DGKB: variants seen among roughly 807,000 people sequenced by gnomAD.
DGKB encodes diacylglycerol kinase beta.
A neutral mutation model predicts 114.3 loss-of-function variants in DGKB; 67 were observed. That is an observed-to-expected ratio of 0.59 (90% CI 0.48 to 0.72). The LOEUF (loss-of-function observed/expected upper bound fraction) is 0.72. Among genes scored for constraint, DGKB ranks in the 30% least tolerant of loss-of-function variants. The pLI is 0.00. For synonymous variants in DGKB, 398 were observed against 323.1 expected, an observed-to-expected ratio of 1.23 and a Z score of -2.49; for missense variants, 907 against 975.2, an observed-to-expected ratio of 0.93 and a Z score of 0.93.
chr7:14,679,376 C>T (rs1337417740), intron 12 of DGKB, among the ~76,000 whole-genome samples: 1 of 151,946 alleles, frequency 6.6e-6, no homozygotes, highest in South Asian at 2.1e-4. Context: ...CCATTTGACA[C>T]ATTAGGAAAT....
At chr7:14,389,624 C>T (rs867773633) in intron 21 of DGKB, among the ~76,000 whole-genome samples, 2 of 152,184 alleles carry the variant, frequency 1.3e-5, no homozygotes, top group African/African-American at 4.8e-5. Context: ...AAATAAATCA[C>T]CTCTAATTCC....
At chr7:14,481,582 A>AT (rs1276908016) in intron 20 of DGKB, among the ~76,000 whole-genome samples, 4 of 151,846 alleles carry the variant, frequency 2.6e-5, no homozygotes, top group South Asian at 2.1e-4. Context: ...TATCTTTTCA[A>AT]TTTTTTTCCA....
At chr7:14,305,899 C>CT (rs1457044245) in intron 23 of DGKB, among the ~76,000 whole-genome samples, 1 of 152,010 alleles carries the variant, frequency 6.6e-6, no homozygotes, top group East Asian at 1.9e-4. Context: ...TATATTTAAG[C>CT]TTTTTTCCAA....
At chr7:14,216,162 C>T (rs776069449) in intron 23 of DGKB, among the ~76,000 whole-genome samples, 50 of 151,974 alleles carry the variant, frequency 3.3e-4, no homozygotes, top group Admixed American at 5.9e-4. Flanking sequence ...AATATGAACA[C>T]GTTATGAAAT....
chr7:14,335,568 G>A (rs764508349), intron 23 of DGKB, among the ~76,000 whole-genome samples: 2 of 152,096 alleles, frequency 1.3e-5, no homozygotes, highest in Admixed American at 6.6e-5. Flanking sequence ...TTCATTTCAT[G>A]TATTTTCTAA....
intron 23 of DGKB, among the ~76,000 whole-genome samples, chr7:14,283,679 G>A (rs909744444): frequency 1.3e-5 from 2 of 151,506 alleles, no homozygotes; most frequent in East Asian, 1.9e-4. Context: ...TAGATCAATG[G>A]AAAAGAACAG....
chr7:14,149,242 G>GAA lies in DGKB; in HGVS notation c.2305-6_2305-5dup. ...GGTTCTTGTGTGTAATTTTTATCTAGAAAAAAAGAGAGAGAGAGAGAGAGA... is the reference window on the plus strand; with the variant it reads ...GGTTCTTGTGTGTAATTTTTATCTAGAAAAAAAAAGAGAGAGAGAGAGAGAGA... On this transcript the variant is annotated splice_region_variant and splice_polypyrimidine_tract_variant and intron_variant, in intron 25 of 25. Transcript: ENST00000402815. 1.9e-6 allele frequency: 3 copies of GAA among 1,590,498 alleles called. No homozygotes were observed. The highest frequency in any genetic ancestry group is 2.6e-6 in the Non-Finnish European group (3 of 1,165,880).
chr7:14,549,394 A>C (rs912358284), intron 20 of DGKB, among the ~76,000 whole-genome samples: 1 of 152,164 alleles, frequency 6.6e-6, no homozygotes, highest in African/African-American at 2.4e-5. Flanking sequence ...GAAATTACCT[A>C]GGAATAAATA....
intron 2 of DGKB, among the ~76,000 whole-genome samples, chr7:14,782,759 G>C (rs570624212): frequency 6.6e-6 from 1 of 152,222 alleles, no homozygotes; most frequent in South Asian, 2.1e-4. Context: ...GTCTATTCGA[G>C]GTTAGTGTAA....
At chr7:14,721,975 A>C (rs1183833837) in intron 5 of DGKB, among the ~76,000 whole-genome samples, 3 of 152,202 alleles carry the variant, frequency 2.0e-5, no homozygotes, top group East Asian at 1.9e-4. Flanking sequence ...TACTTCAAAT[A>C]TCTCTCTGTG....
chr7:14,879,139 CAA>C (rs1471859480), intron 1 of DGKB, among the ~76,000 whole-genome samples: 5 of 151,838 alleles, frequency 3.3e-5, no homozygotes, highest in African/African-American at 1.2e-4. Flanking sequence ...TATATCAAGA[CAA>C]TGATTCACAG....
chr7:14,332,527 C>T (rs1283485498), intron 23 of DGKB, among the ~76,000 whole-genome samples: 5 of 152,204 alleles, frequency 3.3e-5, no homozygotes, highest in African/African-American at 1.2e-4. Flanking sequence ...ACAATTTTGG[C>T]AACATCTAAG....
chr7:14,258,260 G>T (rs545165078), intron 23 of DGKB, among the ~76,000 whole-genome samples: 5 of 152,308 alleles, frequency 3.3e-5, no homozygotes, highest in African/African-American at 4.8e-5. Context: ...AGGATTACCA[G>T]AATAAGAAGA....
intron 23 of DGKB, among the ~76,000 whole-genome samples, chr7:14,308,273 A>G (rs934931029): frequency 6.6e-6 from 1 of 152,050 alleles, no homozygotes; most frequent in African/African-American, 2.4e-5. Flanking sequence ...ATTTAATAAT[A>G]CCCCTAAATT....
chr7:14,676,390 A>G (rs746172035), intron 12 of DGKB, among the ~76,000 whole-genome samples: 3 of 152,006 alleles, frequency 2.0e-5, no homozygotes, highest in Non-Finnish European at 4.4e-5. Context: ...AGTCAGTAAT[A>G]ATTTAATTGT....
chr7:14,592,053 G>T (rs1241392943), intron 17 of DGKB, among the ~76,000 whole-genome samples: 1 of 151,636 alleles, frequency 6.6e-6, no homozygotes, highest in African/African-American at 2.4e-5. Context: ...CAATGTGGCT[G>T]TATGGGTTAG....
At chr7:14,413,389 T>C (rs1202615327) in intron 21 of DGKB, among the ~76,000 whole-genome samples, 4 of 152,276 alleles carry the variant, frequency 2.6e-5, no homozygotes, top group Non-Finnish European at 5.9e-5. Flanking sequence ...CAGTCATAAA[T>C]TCAGTTTTAC....
intron 20 of DGKB, among the ~76,000 whole-genome samples, chr7:14,572,672 T>C (rs1037537630): frequency 2.6e-5 from 4 of 152,110 alleles, no homozygotes; most frequent in African/African-American, 4.8e-5. Flanking sequence ...TGTCCACCAA[T>C]TGGTGAAGGG....
chr7:14,693,643 T>C (rs1823297022), intron 9 of DGKB, among the ~76,000 whole-genome samples: 1 of 151,554 alleles, frequency 6.6e-6, no homozygotes, highest in Non-Finnish European at 1.5e-5. Context: ...CCACTGGAGA[T>C]ATTTAACTGC....
Sources: allele counts gnomAD v4.1 joint callset (sites outside exome capture counted in the v4.1 genomes callset), GRCh38; gene constraint gnomAD v4.1.1; transcripts MANE v1.5; gene names NCBI Gene and HGNC (gene_info 2026-07-23, HGNC 2026-07-21).